Variants in NRXN3 observed in about 807,000 individuals in gnomAD.
NRXN3 encodes the protein neurexin 3, also known as neurexin III.
NRXN3 carries 32 observed loss-of-function variants against 137.6 expected under a neutral mutation model. That is an observed-to-expected ratio of 0.23 (90% CI 0.18 to 0.31). NRXN3 has a LOEUF of 0.31. NRXN3 is among the 10% of genes least tolerant of loss of function. The probability of loss-of-function intolerance (pLI) is 1.00; values close to 1 mark genes in which losing one functional copy is unlikely to be tolerated. For synonymous variants in NRXN3, 798 were observed against 784.5 expected, an observed-to-expected ratio of 1.02 and a Z score of -0.29; for missense variants, 1,574 against 2,062.5, an observed-to-expected ratio of 0.76 and a Z score of 4.59.
chr14:79,300,219 A>G lies in NRXN3; in HGVS notation c.3263-167002A>G, dbSNP rs79412197. The stretch of plus-strand genomic sequence containing the variant: ...GCTCTAGGTCAAAAGTTACTAAGTG[A>G]TAGAACAAAGATTTAAACTCGTTTC... On this transcript the variant is annotated intron_variant, in intron 15 of 20. Coordinates refer to ENST00000335750, the MANE Select transcript of NRXN3 (RefSeq NM_001330195.2). 5.1e-4 allele frequency among the ~76,000 whole-genome samples: 78 copies of G among 152,190 alleles called. No homozygotes were observed. The East Asian group carries it at 0.012, about 24-fold the overall frequency.
chr14:78,931,009 A>C (rs982501191), intron 10 of NRXN3, among the ~76,000 whole-genome samples: 1 of 152,226 alleles, frequency 6.6e-6, no homozygotes, highest in Admixed American at 6.5e-5. Context: ...GGATGACCTG[A>C]TATTTAATAT....
In NRXN3 at chr14:78,763,682, A is replaced by G. The variant is rs182443693; in HGVS notation, c.2045-39938A>G. Reference sequence around the variant, plus strand: ...AGAGTTCTTTTAATGACAAGGATGCAGAAACATACGGAGATTGTATAGTAC... The same window carrying G: ...AGAGTTCTTTTAATGACAAGGATGCGGAAACATACGGAGATTGTATAGTAC... On this transcript the variant is annotated intron_variant, in intron 8 of 20. Coordinates refer to ENST00000335750, the MANE Select transcript of NRXN3 (RefSeq NM_001330195.2). Among the ~76,000 whole-genome samples the G allele has an allele frequency of 3.3e-5, 5 of 152,278 alleles. No homozygotes were observed. In the East Asian group the frequency reaches 9.7e-4, roughly 29 times the overall value.
intron 6 of NRXN3, among the ~76,000 whole-genome samples, chr14:78,662,977 G>C (rs193073022): frequency 1.3e-5 from 2 of 152,324 alleles, no homozygotes; most frequent in Admixed American, 6.5e-5. Context: ...CATGTGAAAT[G>C]TGTGTCTACA....
chr14:78,227,787 G>A (rs932807544), intron 1 of NRXN3, among the ~76,000 whole-genome samples: 2 of 152,216 alleles, frequency 1.3e-5, no homozygotes, highest in African/African-American at 4.8e-5. Flanking sequence ...TTCCTTAGCT[G>A]CCTCAGGACT....
At chr14:78,557,119 A>C (rs1309392546) in intron 4 of NRXN3, among the ~76,000 whole-genome samples, 2 of 150,016 alleles carry the variant, frequency 1.3e-5, no homozygotes, top group Admixed American at 6.7e-5. Flanking sequence ...ATCATGGCTG[A>C]ATGTAGCCTT....
chr14:78,501,007 C>T (rs367897472), intron 4 of NRXN3, among the ~76,000 whole-genome samples: 1 of 152,120 alleles, frequency 6.6e-6, no homozygotes, highest in Admixed American at 6.6e-5. Context: ...CAGGCAAATG[C>T]AGATGATCAA....
At chr14:78,234,591 A>G (rs928455462) in intron 1 of NRXN3, among the ~76,000 whole-genome samples, 4 of 152,160 alleles carry the variant, frequency 2.6e-5, no homozygotes, top group African/African-American at 7.2e-5. Context: ...CACTCATCCT[A>G]GCACCAGTCT....
At chr14:79,316,738 C>CTCTCTCTCTG (rs1252279471) in intron 15 of NRXN3, among the ~76,000 whole-genome samples, 1 of 151,410 alleles carries the variant, frequency 6.6e-6, no homozygotes, top group African/African-American at 2.4e-5. Context: ...CCCTCTCTCT[C>CTCTCTCTCTG]TCTCTCTCTC....
chr14:78,485,880 G>A (rs997322002), intron 4 of NRXN3, among the ~76,000 whole-genome samples: 3 of 152,300 alleles, frequency 2.0e-5, no homozygotes, highest in South Asian at 4.1e-4. Flanking sequence ...ATTCAGAAAT[G>A]TTATTAATTC....
chr14:79,816,890 T>C (rs1323934578), intron 20 of NRXN3, among the ~76,000 whole-genome samples: 1 of 152,208 alleles, frequency 6.6e-6, no homozygotes, highest in Non-Finnish European at 1.5e-5. Context: ...ATGATTTTAT[T>C]GTAAGATACT....
At chr14:79,408,801 G>A (rs192085500) in intron 15 of NRXN3, among the ~76,000 whole-genome samples, 8 of 151,750 alleles carry the variant, frequency 5.3e-5, no homozygotes, top group Admixed American at 6.6e-5. Context: ...CCTTTGTTCC[G>A]TCTTTTGTCC....
rs2098973539 is a variant in NRXN3, at chr14:78,828,627, T to C, written c.2275+18283T>C. Among the ~76,000 whole-genome samples, 2 of 152,198 alleles carry C rather than the reference T, an allele frequency of 1.3e-5. 1 individual carries two copies. Among genetic ancestry groups the C allele is most frequent in the South Asian group, 4.1e-4 (2 of 4,836 alleles). ...GGCCATAGTTTGCTAATCCCTGTTC[T>C]AGGACCCTAAGAGAGGTACATTTGT... On this transcript the variant is annotated intron_variant, in intron 10 of 20. Coordinates refer to ENST00000335750, the MANE Select transcript of NRXN3 (RefSeq NM_001330195.2).
intron 4 of NRXN3, among the ~76,000 whole-genome samples, chr14:78,630,877 T>A (rs1037173892): frequency 6.6e-6 from 1 of 152,230 alleles, no homozygotes; most frequent in Admixed American, 6.5e-5. Context: ...AGTGCTGGGA[T>A]TACAGACGTG....
intron 15 of NRXN3, among the ~76,000 whole-genome samples, chr14:79,073,825 TTCTCAAGCCAG>T (rs1486950925): frequency 3.3e-5 from 5 of 152,222 alleles, no homozygotes; most frequent in African/African-American, 1.2e-4. Context: ...AGAAAACATT[TTCTCAAGCCAG>T]ACTGCCTGTG....
At chr14:79,494,634 T>A (rs891583296) in intron 16 of NRXN3, among the ~76,000 whole-genome samples, 2 of 152,214 alleles carry the variant, frequency 1.3e-5, no homozygotes, top group Admixed American at 1.3e-4. Flanking sequence ...TGTAGTCTGA[T>A]ATATATTTCA....
At chr14:79,668,830 A>G (rs1478819335) in intron 17 of NRXN3, among the ~76,000 whole-genome samples, 1 of 152,080 alleles carries the variant, frequency 6.6e-6, no homozygotes, top group Admixed American at 6.6e-5. Context: ...AATCACCCCC[A>G]TATAAGAGCC....
intron 4 of NRXN3, among the ~76,000 whole-genome samples, chr14:78,550,491 CT>C (rs1566721462): frequency 6.6e-6 from 1 of 150,624 alleles, no homozygotes; most frequent in Non-Finnish European, 1.5e-5. Flanking sequence ...CAAATGACAA[CT>C]TTTTTATGAT....
chr14:78,848,017 C>T (rs1421147284), intron 10 of NRXN3, among the ~76,000 whole-genome samples: 1 of 152,034 alleles, frequency 6.6e-6, no homozygotes, highest in African/African-American at 2.4e-5. Flanking sequence ...GAATTCCACC[C>T]CCGGCCTCTG....
At chr14:79,134,999 G>T (rs1201180055) in intron 15 of NRXN3, among the ~76,000 whole-genome samples, 1 of 152,158 alleles carries the variant, frequency 6.6e-6, no homozygotes, top group African/African-American at 2.4e-5. Flanking sequence ...CCTTTAGAAT[G>T]CTTAGTGAAT....
Sources: gnomAD v4.1 joint callset for allele counts (sites outside exome capture counted in the v4.1 genomes callset) on GRCh38, gnomAD v4.1.1 for gene constraint, MANE v1.5 for transcripts, NCBI Gene and HGNC (gene_info 2026-07-23, HGNC 2026-07-21) for gene names.